PRELID2: variants seen among roughly 807,000 people sequenced by gnomAD.
PRELID2 encodes PRELI domain containing 2.
A neutral mutation model predicts 28.4 loss-of-function variants in PRELID2; 25 were observed. The observed-to-expected ratio is 0.88, with a 90% CI of 0.64 to 1.23. The LOEUF (loss-of-function observed/expected upper bound fraction) is 1.23. Ranked by LOEUF, PRELID2 falls within the 50% of genes most tolerant of loss-of-function variation. PRELID2 has a pLI of 0.00. For synonymous variants in PRELID2, 76 were observed against 71.6 expected (o/e 1.06, Z -0.31); for missense variants, 201 against 214.4 (o/e 0.94, Z 0.39).
At chr5:145,304,983 C>T in the PRELID2 span, among the ~76,000 whole-genome samples, 1 of 152,126 alleles carries the variant, frequency 6.6e-6, no homozygotes, top group Non-Finnish European at 1.5e-5. Context: ...TAATCCATCT[C>T]CTATTGTGGA....
chr5:145,664,031 C>G (rs1754542114), intron 1 of PRELID2, among the ~76,000 whole-genome samples: 1 of 152,090 alleles, frequency 6.6e-6, no homozygotes, highest in South Asian at 2.1e-4. Context: ...CAGGCCTCAT[C>G]ATTTGCTAGA....
the PRELID2 span, among the ~76,000 whole-genome samples, chr5:145,333,850 C>A: frequency 1.3e-5 from 2 of 151,112 alleles, no homozygotes; most frequent in African/African-American, 2.4e-5. Context: ...CTGCAGCTAG[C>A]TCAGTGTCTG....
chr5:145,280,207 A>G, the PRELID2 span, among the ~76,000 whole-genome samples: 35,852 of 152,038 alleles, frequency 0.24, 5,211 homozygotes, highest in Non-Finnish European at 0.31. Context: ...TCACGGGGAA[A>G]ATTTGAGGGG....
the PRELID2 span, among the ~76,000 whole-genome samples, chr5:145,346,860 A>G: frequency 6.6e-6 from 1 of 152,138 alleles, no homozygotes; most frequent in Non-Finnish European, 1.5e-5. Flanking sequence ...AAGAACATCC[A>G]TTTTAGGCCT....
intron 1 of PRELID2, among the ~76,000 whole-genome samples, chr5:145,729,937 T>C (rs994542293): frequency 6.6e-6 from 1 of 152,120 alleles, no homozygotes; most frequent in Non-Finnish European, 1.5e-5. Context: ...GGTGAGAATG[T>C]GGGGTTGAAA....
intron 5 of PRELID2, among the ~76,000 whole-genome samples, chr5:145,789,059 C>T (rs1318999864): frequency 1.3e-5 from 2 of 152,086 alleles, no homozygotes; most frequent in Non-Finnish European, 2.9e-5. Context: ...ATATTGCTAA[C>T]TTATCCATAA....
chr5:145,282,005 C>T, the PRELID2 span, among the ~76,000 whole-genome samples: 11 of 152,100 alleles, frequency 7.2e-5, no homozygotes, highest in Non-Finnish European at 1.5e-4. Context: ...GCAAGAGTCA[C>T]ATAGACATGA....
At chr5:145,595,469 C>T (rs560485769) in intron 1 of PRELID2, among the ~76,000 whole-genome samples, 2 of 152,240 alleles carry the variant, frequency 1.3e-5, no homozygotes, top group East Asian at 3.9e-4. Flanking sequence ...AAAGCTCCAC[C>T]TTTGCCAGTT....
At chr5:145,423,060 G>T in the PRELID2 span, among the ~76,000 whole-genome samples, 1 of 149,318 alleles carries the variant, frequency 6.7e-6, no homozygotes, top group Non-Finnish European at 1.5e-5. Context: ...GTTGAATATT[G>T]GCCCCCACTC....
rs527431890 is a variant in PRELID2 at position 145,502,861 on chromosome 5, C to T, written n.71-29546G>A. Among the ~76,000 whole-genome samples the T allele has an allele frequency of 5.3e-5, 8 of 150,444 alleles. No individual in the cohort carries two copies. In the South Asian group the frequency reaches 8.4e-4, roughly 16 times the overall value. On this transcript the variant is annotated intron_variant and non_coding_transcript_variant, in intron 1 of 2. Coordinates refer to the PRELID2 transcript ENST00000510259. The stretch of plus-strand genomic sequence containing the variant: ...CCCAGAAGTTTTTTTTTTTTTCTGC[C>T]GTGTCTGTATAGATATCACTAATAA...
At chr5:145,327,421 A>T in the PRELID2 span, among the ~76,000 whole-genome samples, 1 of 152,134 alleles carries the variant, frequency 6.6e-6, no homozygotes. Flanking sequence ...TGTACGATAT[A>T]ATTAAAGCCA....
At chr5:145,483,286 C>A (rs903915695) in intron 1 of PRELID2, among the ~76,000 whole-genome samples, 5 of 152,254 alleles carry the variant, frequency 3.3e-5, no homozygotes, top group African/African-American at 1.2e-4. Flanking sequence ...ACACTCTGAC[C>A]ATTCTGAGCC....
chr5:145,393,316 C>T, the PRELID2 span, among the ~76,000 whole-genome samples: 154 of 151,382 alleles, frequency 1.0e-3, no homozygotes, highest in Admixed American at 1.6e-3. Flanking sequence ...TATAACTTGG[C>T]GGGGTCCACT....
intron 1 of PRELID2, among the ~76,000 whole-genome samples, chr5:145,741,845 A>G (rs1489917301): frequency 1.6e-5 from 1 of 61,110 alleles, no homozygotes; most frequent in East Asian, 6.7e-4. Context: ...ATAAATATAT[A>G]AAACATTTTT....
the PRELID2 span, among the ~76,000 whole-genome samples, chr5:145,400,495 G>A: frequency 2.0e-5 from 3 of 152,014 alleles, no homozygotes; most frequent in Admixed American, 1.3e-4. Flanking sequence ...TTAAGTGAGA[G>A]GGGAAAAAAA....
At chr5:145,466,021 G>A in the PRELID2 span, among the ~76,000 whole-genome samples, 1 of 152,170 alleles carries the variant, frequency 6.6e-6, no homozygotes, top group African/African-American at 2.4e-5. Flanking sequence ...TCCCTGAGCT[G>A]AGACGTGTCA....
intron 1 of PRELID2, among the ~76,000 whole-genome samples, chr5:145,647,929 C>G (rs1231779126): frequency 6.6e-6 from 1 of 152,180 alleles, no homozygotes; most frequent in East Asian, 1.9e-4. Context: ...GCAGAAATCA[C>G]CCTGCTTGTG....
chr5:145,739,890 G>A (rs1390276010), intron 1 of PRELID2, among the ~76,000 whole-genome samples: 2 of 150,832 alleles, frequency 1.3e-5, no homozygotes, highest in African/African-American at 4.9e-5. Flanking sequence ...ATTATAAAAT[G>A]TATCCAAATA....
the PRELID2 span, among the ~76,000 whole-genome samples, chr5:145,288,302 T>C: frequency 6.6e-6 from 1 of 152,154 alleles, no homozygotes; most frequent in African/African-American, 2.4e-5. Context: ...TATAGACTCA[T>C]ATATATTCAT....
Sources: allele counts gnomAD v4.1 joint callset (sites outside exome capture counted in the v4.1 genomes callset), GRCh38; gene constraint gnomAD v4.1.1; transcripts MANE v1.5; gene names NCBI Gene and HGNC (gene_info 2026-07-23, HGNC 2026-07-21).